Variants in DAB2 observed in about 807,000 individuals in gnomAD.
DAB2 encodes DAB adaptor protein 2, also known as disabled homolog 2.
DAB2 carries 28 observed loss-of-function variants against 71.6 expected under a neutral mutation model. The ratio of observed to expected loss-of-function variants is 0.39; its 90% CI spans 0.29 to 0.54. DAB2 has a LOEUF of 0.54. DAB2 is among the 20% of genes least tolerant of loss of function. DAB2 has a pLI of 0.68. For missense variants in DAB2, 867 were observed against 928.8 expected (o/e 0.93, Z 0.86); for synonymous variants, 345 against 339.7 (o/e 1.02, Z -0.17).
intron 6 of DAB2, 148 bp downstream of exon 6, chr5:39,389,704 G>T: frequency 1.9e-6 from 1 of 526,032 alleles, no homozygotes; most frequent in Non-Finnish European, 3.4e-6. Flanking sequence ...TAGTGATGAG[G>T]TTTCGCCATG....
In DAB2 at chr5:39,377,039, G is replaced by A. The variant is rs761659376; in HGVS notation, c.1748C>T (p.Ala583Val). The A allele has an allele frequency of 1.9e-6, 3 of 1,614,140 alleles. No homozygotes were observed. In the South Asian group the frequency reaches 3.3e-5, roughly 18 times the overall value. ...CCCCAAAGGGCTTGTTGTTGACCAA[G>A]CATTGGGTGCCACAGATGCAGAAGG... The part of the protein sequence containing the change: ...WGPSASVAPN[A>V]WSTTSPLGNP... Residue 583 changes from alanine (A) to valine (V), a missense_variant, in exon 12 of 15, where the codon GCT becomes GTT. Physicochemically the swap from Ala to Val is moderately conservative, Grantham distance 64. Transcript: ENST00000320816.
At chr5:39,412,951 T>G (rs542815809) in intron 1 of DAB2, among the ~76,000 whole-genome samples, 76 of 152,294 alleles carry the variant, frequency 5.0e-4, no homozygotes, top group Non-Finnish European at 1.0e-3. Flanking sequence ...AAGATATTCA[T>G]GTCTGCTTGG....
At chr5:39,405,632 A>G (rs115000305) in intron 1 of DAB2, among the ~76,000 whole-genome samples, 4,568 of 152,334 alleles carry the variant, frequency 0.03, 110 homozygotes, top group Non-Finnish European at 0.042. Flanking sequence ...ATTACAGTCT[A>G]GCGCATAGCA....
chr5:39,383,424 G>A (rs1002880702), intron 9 of DAB2, among the ~76,000 whole-genome samples, 153 bp from the exon 10 acceptor site: 14 of 152,042 alleles, frequency 9.2e-5, no homozygotes, highest in African/African-American at 2.7e-4. Flanking sequence ...ATCAACCCCC[G>A]TAGTCCATTA....
Position 39,419,720 on chromosome 5 carries a change from A to G in DAB2, c.-102+5084T>C, listed in dbSNP as rs147580312. 2.7e-3 allele frequency among the ~76,000 whole-genome samples: 405 copies of G among 152,312 alleles called. 14 individuals are homozygous for G. The South Asian group carries it at 0.04, about 15-fold the overall frequency. On this transcript the variant is annotated intron_variant, in intron 1 of 14. Coordinates refer to ENST00000320816, the MANE Select transcript of DAB2 (RefSeq NM_001343.4). ...AAGTGGGACAGTCTCCTAATAAATG[A>G]AGATTAATTATACTCTTTAAAAACC...
intron 9 of DAB2, among the ~76,000 whole-genome samples, chr5:39,383,907 G>A (rs530842079): frequency 1.3e-5 from 2 of 152,126 alleles, no homozygotes; most frequent in East Asian, 1.9e-4. Context: ...TTTATATCAC[G>A]GCCTTCAGGT....
intron 1 of DAB2, among the ~76,000 whole-genome samples, chr5:39,415,583 A>G (rs902481583): frequency 6.6e-6 from 1 of 152,162 alleles, no homozygotes; most frequent in Non-Finnish European, 1.5e-5. Context: ...TCAGTGAAAC[A>G]ATCTTATGAA....
At chr5:39,421,593 T>C (rs1439816025) in intron 1 of DAB2, among the ~76,000 whole-genome samples, 1 of 152,196 alleles carries the variant, frequency 6.6e-6, no homozygotes, top group East Asian at 1.9e-4. Context: ...TAGCCCTCTG[T>C]GTCCGTACCA....
At position 39,376,685 on chromosome 5, in the gene DAB2, T is replaced by A. The variant is rs200754366; in HGVS notation, c.2102A>T (p.Asp701Val). Reference sequence around the variant, plus strand: ...GTTCAATAGTTGATTAGCATCAAAGTCATCATGGTCTGCATTCTCCTGAGG... The same window carrying A: ...GTTCAATAGTTGATTAGCATCAAAGACATCATGGTCTGCATTCTCCTGAGG... ...GIPQENADHD[D>V]FDANQLLNKI... Residue 701 changes from aspartate (D) to valine (V), a missense_variant, in exon 12 of 15, where the codon GAC (aspartate) becomes GTC (valine). Physicochemically the swap from Asp to Val is radical, Grantham distance 152 (BLOSUM62 -3). Around this residue, in one of 2 missense-constraint regions of DAB2, gnomAD observed 740 missense variants for 734.3 expected, o/e 1.01. Transcript: ENST00000320816. The A allele has an allele frequency of 2.0e-4, 320 of 1,614,124 alleles. 4 individuals are homozygous for A. In the South Asian group the frequency reaches 3.0e-3, roughly 15 times the overall value.
At chr5:39,380,093 C>T (rs961095112) in intron 11 of DAB2, among the ~76,000 whole-genome samples, 2 of 152,290 alleles carry the variant, frequency 1.3e-5, no homozygotes. Context: ...GCACTCTGGT[C>T]TTCTGTGAGG....
At position 39,394,270 on chromosome 5, in the gene DAB2, C is replaced by T; in HGVS notation, c.51G>A (p.Gln17=). 3.1e-6 allele frequency: 5 copies of T among 1,614,078 alleles called. No homozygotes were observed. Among genetic ancestry groups the T allele is most frequent in the Non-Finnish European group, 3.4e-6 (4 of 1,180,000 alleles). Residue 17 remains glutamine (Q), a synonymous_variant, in exon 2 of 15, where the codon CAG becomes CAA. Transcript: ENST00000320816. ...TCTTTGAGGGTGCTTTTGGTGCGGC[C>T]TGTTGGTCGGGCTGACCATTGGTTG... ...TSATNGQPDQ[Q]AAPKAPSKKE...
chr5:39,416,813 A>G (rs943029579), intron 1 of DAB2, among the ~76,000 whole-genome samples: 5 of 152,018 alleles, frequency 3.3e-5, no homozygotes, highest in African/African-American at 1.2e-4. Context: ...TATTTGCCCT[A>G]CTTTTCTAGG....
chr5:39,406,832 AT>A (rs1396484407), intron 1 of DAB2, among the ~76,000 whole-genome samples: 1 of 152,224 alleles, frequency 6.6e-6, no homozygotes, highest in African/African-American at 2.4e-5. Flanking sequence ...TACATGAAAA[AT>A]ATTAGAGTTT....
chr5:39,389,218 G>C, intron 6 of DAB2, 95 bp from the exon 7 acceptor site: 2 of 894,198 alleles, frequency 2.2e-6, no homozygotes, highest in Non-Finnish European at 3.6e-6. Context: ...CAGGCATAAG[G>C]CAAGAATAAG....
At position 39,376,668 on chromosome 5, in the gene DAB2, G is replaced by A; in HGVS notation, c.2119C>T (p.Leu707=). 6.2e-7 allele frequency: 1 copy of A among 1,614,018 alleles called. No individual in the cohort carries two copies. The highest frequency in any genetic ancestry group is 8.5e-7 in the Non-Finnish European group (1 of 1,179,988). The change falls in exon 12 of 15, where the codon CTA becomes TTA. Residue 707 remains leucine (L), a synonymous_variant. Transcript: ENST00000320816. ...ADHDDFDANQ[L]LNKINEPPKP... is the part of the protein sequence containing the mutation. ...GGCTTACCATTGATCTTGTTCAATA[G>A]TTGATTAGCATCAAAGTCATCATGG...
chr5:39,419,753 A>G (rs1256661354), intron 1 of DAB2, among the ~76,000 whole-genome samples: 1 of 152,226 alleles, frequency 6.6e-6, no homozygotes, highest in African/African-American at 2.4e-5. Flanking sequence ...ACCCCAGCAG[A>G]GGGGAAAAGA....
At position 39,381,429 on chromosome 5, in the gene DAB2, C is replaced by T. The variant is rs201109483; in HGVS notation, c.1504+25G>A. ...TATGAGCAAAAGCAAAAGAGTCATA[C>T]TTAATTTTATCTCTAGGCACCTACC... On this transcript the variant is annotated intron_variant, in intron 11 of 14. Transcript: ENST00000320816. 5 of 1,605,990 alleles carry T rather than the reference C, an allele frequency of 3.1e-6. No individual in the cohort carries two copies. In the South Asian group the frequency reaches 4.4e-5, roughly 14 times the overall value.
intron 1 of DAB2, among the ~76,000 whole-genome samples, chr5:39,411,763 A>G (rs1433885106): frequency 1.3e-5 from 2 of 152,220 alleles, no homozygotes; most frequent in Non-Finnish European, 2.9e-5. Flanking sequence ...CAAATCCTCC[A>G]AAAGTAATGA....
At chr5:39,394,115 A>G in intron 2 of DAB2, 115 bp downstream of exon 2, 1 of 799,094 alleles carries the variant, frequency 1.3e-6, no homozygotes, top group South Asian at 1.7e-5. Flanking sequence ...ACATGAGACT[A>G]AGCTGAGGTT....
Sources: gnomAD v4.1 joint callset for allele counts (sites outside exome capture counted in the v4.1 genomes callset) on GRCh38, gnomAD v4.1.1 for gene constraint, gnomAD v4.1.1 regional missense constraint, MANE v1.5 for transcripts, NCBI Gene and HGNC (gene_info 2026-07-23, HGNC 2026-07-21) for gene names.